Variants in AK9 observed in about 807,000 individuals in gnomAD.
AK9 encodes the protein adenylate kinase 9.
A neutral mutation model predicts 239.6 loss-of-function variants in AK9; 191 were observed. That is an observed-to-expected ratio of 0.80 (90% CI 0.71 to 0.90). The LOEUF is 0.90. Ranked by LOEUF, AK9 falls within the 40% of genes least tolerant of loss-of-function variation. The pLI is 0.00. For missense variants in AK9, 1,995 were observed against 2,214.7 expected (o/e 0.90, Z 1.99); for synonymous variants, 689 against 721.0 (o/e 0.96, Z 0.71).
intron 8 of AK9, among the ~76,000 whole-genome samples, chr6:109,653,745 G>A (rs1025058781): frequency 1.8e-4 from 27 of 151,434 alleles, no homozygotes; most frequent in Admixed American, 5.9e-4. Flanking sequence ...TGTGGCACAG[G>A]CTGGTCTTGA....
intron 2 of AK9, among the ~76,000 whole-genome samples, chr6:109,674,961 C>T (rs1284675089): frequency 1.3e-5 from 2 of 152,144 alleles, no homozygotes; most frequent in African/African-American, 4.8e-5. Flanking sequence ...GAGTTTCTTA[C>T]TAGAAATGTC....
chr6:109,617,881 C>A (rs1276919126), intron 13 of AK9, among the ~76,000 whole-genome samples: 10 of 152,068 alleles, frequency 6.6e-5, no homozygotes, highest in Non-Finnish European at 1.2e-4. Flanking sequence ...TTATTTGAAT[C>A]CCAATCACTT....
At chr6:109,647,681 G>A (rs1241023346) in intron 8 of AK9, among the ~76,000 whole-genome samples, 1 of 152,072 alleles carries the variant, frequency 6.6e-6, no homozygotes, top group Non-Finnish European at 1.5e-5. Context: ...ACAGATCAAC[G>A]AGACAGAAAG....
intron 25 of AK9, 149 bp from the exon 26 acceptor site, chr6:109,546,276 A>G: frequency 1.5e-6 from 1 of 663,568 alleles, no homozygotes; most frequent in East Asian, 2.9e-5. Context: ...GGATGCTTAG[A>G]TATTAGGATT....
chr6:109,546,718 G>C (rs1452123252), intron 25 of AK9, among the ~76,000 whole-genome samples: 1 of 152,154 alleles, frequency 6.6e-6, no homozygotes, highest in African/African-American at 2.4e-5. Flanking sequence ...CCTCAAAGGG[G>C]CTGGAGTTTT....
At chr6:109,620,348 G>A (rs2128249151) in intron 12 of AK9, among the ~76,000 whole-genome samples, 1 of 152,220 alleles carries the variant, frequency 6.6e-6, no homozygotes, top group East Asian at 1.9e-4. Flanking sequence ...TTTCTAGTGG[G>A]TGTGAAGAAG....
chr6:109,559,797 G>A (rs1176957077), intron 24 of AK9, among the ~76,000 whole-genome samples: 3 of 152,102 alleles, frequency 2.0e-5, no homozygotes, highest in Admixed American at 6.6e-5. Context: ...AAATATAGTG[G>A]CTTAAAACAA....
chr6:109,639,704 T>C (rs1317513551), intron 10 of AK9, among the ~76,000 whole-genome samples: 1 of 152,224 alleles, frequency 6.6e-6, no homozygotes, highest in Non-Finnish European at 1.5e-5. Flanking sequence ...TTTGGTGTTT[T>C]AGTCATGAAG....
At chr6:109,681,509 AC>A (rs1219443630) in intron 1 of AK9, among the ~76,000 whole-genome samples, 1 of 152,130 alleles carries the variant, frequency 6.6e-6, no homozygotes, top group Middle Eastern at 3.2e-3. Flanking sequence ...AGACTTTAAC[AC>A]CCCATTGTCA....
At chr6:109,552,687 T>C (rs1291288469) in intron 24 of AK9, among the ~76,000 whole-genome samples, 1 of 152,250 alleles carries the variant, frequency 6.6e-6, no homozygotes, top group Non-Finnish European at 1.5e-5. Context: ...TCTTTTGCTG[T>C]GCAGAAGCTC....
At chr6:109,502,366 A>T (rs1024159497) in intron 35 of AK9, among the ~76,000 whole-genome samples, 2 of 152,330 alleles carry the variant, frequency 1.3e-5, no homozygotes, top group South Asian at 4.1e-4. Flanking sequence ...ACATGTGAAG[A>T]CACAAAGACA....
chr6:109,584,041 T>C (rs1378194036), intron 19 of AK9, among the ~76,000 whole-genome samples: 1 of 152,174 alleles, frequency 6.6e-6, no homozygotes, highest in African/African-American at 2.4e-5. Flanking sequence ...ATAAGTAAGT[T>C]TGTAATTATT....
At chr6:109,589,267 A>G (rs1246184937) in intron 17 of AK9, among the ~76,000 whole-genome samples, 1 of 152,156 alleles carries the variant, frequency 6.6e-6, no homozygotes, top group East Asian at 1.9e-4. Flanking sequence ...AGTATTTTGT[A>G]GTTCTCCTTG....
chr6:109,564,951 A>G (rs1279303433), intron 21 of AK9, 106 bp from the exon 22 acceptor site: 10 of 845,426 alleles, frequency 1.2e-5, no homozygotes, highest in Non-Finnish European at 1.8e-5. Context: ...ATTGTATATG[A>G]AATGCCTAAT....
rs2128107553 is a variant in AK9, at chr6:109,509,294, T to C, written c.4366A>G (p.Thr1456Ala). The change falls in exon 33 of 41, where the codon ACA (threonine) becomes GCA (alanine). Residue 1456 changes from threonine to alanine, a missense_variant. By Grantham distance (58) the Thr-to-Ala change is moderately conservative. Transcript: ENST00000424296. ...CAATTTAACATAAGTGCCAGCTCTG[T>C]TTCCGGGTGATTGTTTAGTACATAA... ...LRYVLNNHPE[T>A]ELALMLNWHL... 6.4e-7 allele frequency: 1 copy of C among 1,551,810 alleles called. No individual in the cohort carries two copies. The highest frequency in any genetic ancestry group is 2.4e-5 in the East Asian group (1 of 40,918).
intron 8 of AK9, among the ~76,000 whole-genome samples, chr6:109,651,541 TAGCAGAAGGCA>T (rs1450030582): frequency 6.6e-6 from 1 of 152,046 alleles, no homozygotes. Flanking sequence ...ATTCAAAAGC[TAGCAGAAGGCA>T]AGAAATAACT....
intron 27 of AK9, among the ~76,000 whole-genome samples, chr6:109,537,750 A>T (rs1205039446): frequency 6.6e-6 from 1 of 152,036 alleles, no homozygotes; most frequent in Non-Finnish European, 1.5e-5. Flanking sequence ...TTAGTGCTAT[A>T]AATTTCCCTC....
At chr6:109,660,467 T>C (rs1005511902) in intron 6 of AK9, among the ~76,000 whole-genome samples, 29 of 152,176 alleles carry the variant, frequency 1.9e-4, no homozygotes, top group African/African-American at 6.8e-4. Flanking sequence ...AAGCCAGGAA[T>C]GTTGGAACCT....
chr6:109,573,740 T>A (rs927013605), intron 20 of AK9, 146 bp from the exon 21 acceptor site: 11 of 744,542 alleles, frequency 1.5e-5, no homozygotes, highest in Admixed American at 3.1e-5. Context: ...GATAGAAAAA[T>A]TATCTATTTA....
Sources: gnomAD v4.1 joint callset for allele counts (sites outside exome capture counted in the v4.1 genomes callset) on GRCh38, gnomAD v4.1.1 for gene constraint, MANE v1.5 for transcripts, NCBI Gene and HGNC (gene_info 2026-07-23, HGNC 2026-07-21) for gene names.